WDR72: variants seen among roughly 807,000 people sequenced by gnomAD.
WDR72 encodes the protein WD repeat-containing protein 72.
Under a neutral mutation model 124.2 loss-of-function variants are expected in WDR72, and 120 were observed. The ratio of observed to expected loss-of-function variants is 0.97; its 90% confidence interval spans 0.83 to 1.12. The LOEUF (loss-of-function observed/expected upper bound fraction) is 1.12. WDR72 is among the 50% of genes most tolerant of loss of function. The pLI, the probability that WDR72 is intolerant of heterozygous loss-of-function variation, is 0.00. For missense variants in WDR72, 1,387 were observed against 1,278.8 expected, an observed-to-expected ratio of 1.08 and a Z score of -1.29; for synonymous variants, 452 against 441.7, an observed-to-expected ratio of 1.02 and a Z score of -0.29.
At chr15:53,699,652 T>C in intron 13 of WDR72, 98 bp downstream of exon 13, 3 of 1,314,348 alleles carry the variant, frequency 2.3e-6, no homozygotes, top group Non-Finnish European at 3.3e-6. Flanking sequence ...TTAAAGCAAG[T>C]GAGGTCATCA....
chr15:53,722,663 T>C (rs1295667636), intron 3 of WDR72, 139 bp downstream of exon 3: 1 of 743,326 alleles, frequency 1.3e-6, no homozygotes, highest in Non-Finnish European at 2.4e-6. Flanking sequence ...ATTCAAACTT[T>C]CTATATCTAA....
Position 53,714,921 on chromosome 15 carries a change from T to G in WDR72, c.514+272A>C, listed in dbSNP as rs690526. Among the ~76,000 whole-genome samples the G allele has an allele frequency of 0.47, 71,094 of 151,890 alleles. 17,242 individuals are homozygous for G. Among genetic ancestry groups the G allele is most frequent in the Middle Eastern group, 0.61 (179 of 294 alleles). Reference sequence around the variant, plus strand: ...CCACAACAAAACCTGCTTGTCACTCTTAAAATGTAACAAGCAGAACTTGGT... The same window carrying G: ...CCACAACAAAACCTGCTTGTCACTCGTAAAATGTAACAAGCAGAACTTGGT... On this transcript the variant is annotated intron_variant, in intron 5 of 19. Coordinates refer to ENST00000360509, the MANE Select transcript of WDR72 (RefSeq NM_182758.4).
chr15:53,650,120 A>C (rs1040558993), intron 14 of WDR72, among the ~76,000 whole-genome samples: 4 of 68,554 alleles, frequency 5.8e-5, no homozygotes, highest in African/African-American at 2.5e-4. Flanking sequence ...TCAAGAAAGG[A>C]AATTTCTGCA....
At chr15:53,546,725 AAAAC>A (rs145981338) in intron 18 of WDR72, among the ~76,000 whole-genome samples, 24,002 of 152,134 alleles carry the variant, frequency 0.16, 2,181 homozygotes, top group South Asian at 0.25. Flanking sequence ...AATAATCAAT[AAAAC>A]AAACAAACCA....
intron 17 of WDR72, among the ~76,000 whole-genome samples, chr15:53,608,373 T>G (rs897586763): frequency 1.3e-5 from 2 of 152,158 alleles, no homozygotes; most frequent in Admixed American, 6.6e-5. Context: ...TGCAACATCA[T>G]GGATAAACTG....
chr15:53,633,283 A>G (rs1192614169), intron 14 of WDR72, among the ~76,000 whole-genome samples: 1 of 152,122 alleles, frequency 6.6e-6, no homozygotes, highest in Non-Finnish European at 1.5e-5. Flanking sequence ...GCATCTCCCC[A>G]TAACTCTCTC....
At chr15:53,605,177 C>A (rs922438467) in intron 17 of WDR72, among the ~76,000 whole-genome samples, 1 of 152,148 alleles carries the variant, frequency 6.6e-6, no homozygotes, top group African/African-American at 2.4e-5. Flanking sequence ...AACAAGATCA[C>A]GTGCTTTGCA....
At chr15:53,596,128 A>G (rs2012762160) in intron 18 of WDR72, among the ~76,000 whole-genome samples, 1 of 152,150 alleles carries the variant, frequency 6.6e-6, no homozygotes, top group African/African-American at 2.4e-5. Context: ...CCTAGTCCTG[A>G]ATAAATTAAA....
chr15:53,709,678 T>A (rs1207399808), intron 9 of WDR72, among the ~76,000 whole-genome samples: 4 of 152,196 alleles, frequency 2.6e-5, no homozygotes, highest in African/African-American at 9.6e-5. Flanking sequence ...CAGGAACCTA[T>A]TACTGCCCAC....
intron 9 of WDR72, among the ~76,000 whole-genome samples, chr15:53,709,542 T>C (rs2017475606): frequency 6.6e-6 from 1 of 152,206 alleles, no homozygotes; most frequent in Admixed American, 6.5e-5. Flanking sequence ...TCATTGGCTT[T>C]CAGGGCAAAC....
At chr15:53,573,691 G>A (rs759224547) in intron 18 of WDR72, among the ~76,000 whole-genome samples, 2 of 152,058 alleles carry the variant, frequency 1.3e-5, no homozygotes, top group South Asian at 2.1e-4. Flanking sequence ...GACTATAGGC[G>A]TGCACCACCA....
intron 14 of WDR72, among the ~76,000 whole-genome samples, chr15:53,644,124 T>C (rs1227351437): frequency 1.3e-5 from 2 of 152,152 alleles, no homozygotes; most frequent in Admixed American, 1.3e-4. Context: ...AAGTGATCCT[T>C]GAGTAAATTT....
At chr15:53,541,680 T>C (rs71483775) in intron 18 of WDR72, among the ~76,000 whole-genome samples, 66 of 151,084 alleles carry the variant, frequency 4.4e-4, no homozygotes, top group African/African-American at 1.4e-3. Context: ...AGGCTTCAGA[T>C]GATCAAATTA....
chr15:53,663,725 G>A (rs2015684786), intron 14 of WDR72, among the ~76,000 whole-genome samples: 1 of 152,034 alleles, frequency 6.6e-6, no homozygotes, highest in South Asian at 2.1e-4. Context: ...ACTCTGTTAT[G>A]AATAGTGAGC....
At chr15:53,570,653 C>T (rs1250215245) in intron 18 of WDR72, among the ~76,000 whole-genome samples, 1 of 152,008 alleles carries the variant, frequency 6.6e-6, no homozygotes, top group Admixed American at 6.6e-5. Flanking sequence ...AATTAGTTCA[C>T]TCCTGTGGAA....
intron 14 of WDR72, among the ~76,000 whole-genome samples, chr15:53,625,526 C>T (rs2014170335): frequency 1.3e-5 from 2 of 152,200 alleles, no homozygotes; most frequent in Non-Finnish European, 2.9e-5. Flanking sequence ...AATGCTGATA[C>T]ATCTACATGT....
At chr15:53,618,880 T>C (rs2013874460) in intron 14 of WDR72, among the ~76,000 whole-genome samples, 1 of 152,072 alleles carries the variant, frequency 6.6e-6, no homozygotes, top group South Asian at 2.1e-4. Flanking sequence ...GATCAGGTAT[T>C]TGCCAAAGGC....
chr15:53,675,693 T>G (rs189346779), intron 13 of WDR72, among the ~76,000 whole-genome samples: 84 of 152,314 alleles, frequency 5.5e-4, no homozygotes, highest in Non-Finnish European at 9.1e-4. Flanking sequence ...TGAAGAGATT[T>G]GAGTCTGTTC....
intron 18 of WDR72, among the ~76,000 whole-genome samples, chr15:53,571,301 C>A (rs1323438121): frequency 6.6e-6 from 1 of 151,230 alleles, no homozygotes; most frequent in Admixed American, 6.6e-5. Flanking sequence ...AAAAAACAAA[C>A]AAAACATACT....
Sources: allele counts gnomAD v4.1 joint callset (sites outside exome capture counted in the v4.1 genomes callset), GRCh38; gene constraint gnomAD v4.1.1; transcripts MANE v1.5; gene names NCBI Gene and HGNC (gene_info 2026-07-23, HGNC 2026-07-21).